The following HTR2B variants were observed in gnomAD, a reference collection of about 807,000 sequenced individuals.
The protein encoded by HTR2B is 5-hydroxytryptamine receptor 2B.
A neutral mutation model predicts 39.8 loss-of-function variants in HTR2B; 31 were observed. The ratio of observed to expected loss-of-function variants is 0.78; its 90% CI spans 0.58 to 1.05. The LOEUF (loss-of-function observed/expected upper bound fraction) is 1.05. Among genes scored for constraint, HTR2B ranks in the 50% least tolerant of loss-of-function variants. The pLI is 0.00. For missense variants in HTR2B, 562 were observed against 578.0 expected, an observed-to-expected ratio of 0.97 and a Z score of 0.28; for synonymous variants, 210 against 207.1, an observed-to-expected ratio of 1.01 and a Z score of -0.12.
At chr2:231,122,720 T>C (rs1367894237) in intron 2 of HTR2B, among the ~76,000 whole-genome samples, 4 of 152,274 alleles carry the variant, frequency 2.6e-5, no homozygotes, top group Non-Finnish European at 5.9e-5. Context: ...CCTTTTATTA[T>C]CGCAATAACT....
At chr2:231,124,860 A>G (rs1456666508) in intron 1 of HTR2B, 112 bp downstream of exon 1, 1 of 151,948 alleles carries the variant, frequency 6.6e-6, no homozygotes, top group Non-Finnish European at 1.5e-5. Flanking sequence ...TAAATTTTTC[A>G]TTTTGATTTT....
intron 2 of HTR2B, among the ~76,000 whole-genome samples, chr2:231,118,027 C>T (rs1695403064): frequency 6.6e-6 from 1 of 152,038 alleles, no homozygotes; most frequent in Non-Finnish European, 1.5e-5. Context: ...ATTCTAGAAT[C>T]AGTCCTCCTG....
chr2:231,111,558 T>C (rs1695156898), intron 3 of HTR2B, among the ~76,000 whole-genome samples: 1 of 152,208 alleles, frequency 6.6e-6, no homozygotes, highest in African/African-American at 2.4e-5. Flanking sequence ...TAACTGTAAA[T>C]CCAAAAGAAG....
intron 2 of HTR2B, among the ~76,000 whole-genome samples, chr2:231,116,913 TATAAA>T (rs1695357732): frequency 6.6e-6 from 1 of 151,972 alleles, no homozygotes; most frequent in African/African-American, 2.4e-5. Flanking sequence ...ATGAAACTAA[TATAAA>T]AGAAAAAGAT....
chr2:231,110,249 G>A (rs1695110835), intron 3 of HTR2B, among the ~76,000 whole-genome samples: 1 of 151,006 alleles, frequency 6.6e-6, no homozygotes, highest in South Asian at 2.1e-4. Flanking sequence ...GAACCCAGGA[G>A]GCCGAGGTTG....
In HTR2B at chr2:231,113,813, T is replaced by C; in HGVS notation, c.469A>G (p.Ile157Val). 1 of 1,614,156 alleles carries C rather than the reference T, an allele frequency of 6.2e-7. No homozygotes were observed. Among genetic ancestry groups the C allele is most frequent in the South Asian group, 1.1e-5 (1 of 91,088 alleles). ...TGATTGGCCTGGATTGGCTTTTTGA[T>C]GGCTATGTAACGATCCACTGAAATG... ...CAISVDRYIA[I>V]KKPIQANQYN... Residue 157 changes from isoleucine (I) to valine (V), a missense_variant, in exon 3 of 4, where the codon ATC becomes GTC. By Grantham distance (29) the Ile-to-Val change is conservative (BLOSUM62 3). Transcript: ENST00000258400.
At chr2:231,120,512 A>G (rs1257610259) in intron 2 of HTR2B, among the ~76,000 whole-genome samples, 1 of 152,202 alleles carries the variant, frequency 6.6e-6, no homozygotes, top group African/African-American at 2.4e-5. Flanking sequence ...GTGGCAGAAA[A>G]ATTGACCTAG....
At position 231,108,694 on chromosome 2, in the gene HTR2B, C is replaced by A. The variant is rs765759750; in HGVS notation, c.1269G>T (p.Glu423Asp). The A allele has an allele frequency of 3.1e-6, 5 of 1,614,120 alleles. No individual in the cohort carries two copies. Among genetic ancestry groups the A allele is most frequent in the Non-Finnish European group, 3.4e-6 (4 of 1,180,026 alleles). The change falls in exon 4 of 4, where the codon GAG (glutamate) becomes GAT (aspartate). Residue 423 changes from glutamate (E) to aspartate (D), a missense_variant. Transcript: ENST00000258400. The part of the protein sequence containing the change: ...SKIYFRNPMA[E>D]NSKFFKKHGI... The stretch of plus-strand genomic sequence containing the variant: ...CATGTTTCTTGAAAAACTTAGAGTT[C>A]TCTGCCATTGGATTCCGGAAGTAGA...
At chr2:231,115,213 A>AGG (rs1329957458) in intron 2 of HTR2B, among the ~76,000 whole-genome samples, 1 of 151,722 alleles carries the variant, frequency 6.6e-6, no homozygotes, top group Non-Finnish European at 1.5e-5. Context: ...AGCATAATTT[A>AGG]GGGGCAGAGT....
At chr2:231,122,736 T>C (rs1286817040) in intron 2 of HTR2B, among the ~76,000 whole-genome samples, 2 of 152,284 alleles carry the variant, frequency 1.3e-5, no homozygotes, top group Admixed American at 1.3e-4. Context: ...TAACTAGGTT[T>C]TAATCCACTT....
At chr2:231,124,716 G>A (rs1331195082) in intron 1 of HTR2B, among the ~76,000 whole-genome samples, 1 of 151,658 alleles carries the variant, frequency 6.6e-6, no homozygotes, top group Admixed American at 6.6e-5. Flanking sequence ...TTCTTTTTTT[G>A]TTTTAAGTAG....
At position 231,109,239 on chromosome 2, in the gene HTR2B, G is replaced by A. The variant is rs769352469; in HGVS notation, c.724C>T (p.His242Tyr). 1.2e-6 allele frequency: 2 copies of A among 1,614,174 alleles called. No homozygotes were observed. The highest frequency in any genetic ancestry group is 2.2e-5 in the South Asian group (2 of 91,084). The change falls in exon 4 of 4, where the codon CAT (histidine) becomes TAT (tyrosine). Residue 242 changes from histidine (H) to tyrosine (Y), a missense_variant. Transcript: ENST00000258400. Reference protein sequence around the residue: ...IMIVTYFLTIHALQKKAYLVK... With the variant: ...IMIVTYFLTIYALQKKAYLVK... The stretch of plus-strand genomic sequence containing the variant: ...AAGTAAGCCTTCTTCTGTAAAGCAT[G>A]GATAGTGAGAAAGTAGGTGACAATC...
chr2:231,123,621 C>G lies in HTR2B; in HGVS notation c.144G>C (p.Glu48Asp), dbSNP rs757489636. 1 of 1,614,078 alleles carries G rather than the reference C, an allele frequency of 6.2e-7. No homozygotes were observed. The highest frequency in any genetic ancestry group is 1.1e-5 in the South Asian group (1 of 91,088). ...CCCAGTGCAGTTTATTTCCCTGTTC[C>G]TCAACAATCTGTTTCATTTCCTCTG... ...SIPEEMKQIV[E>D]EQGNKLHWAA... is the part of the protein sequence containing the mutation. The change falls in exon 2 of 4, where the codon GAG (glutamate) becomes GAC (aspartate). Residue 48 changes from glutamate to aspartate, a missense_variant. Coordinates refer to ENST00000258400, the MANE Select transcript of HTR2B (RefSeq NM_000867.5).
intron 2 of HTR2B, among the ~76,000 whole-genome samples, chr2:231,119,123 C>G (rs1695444957): frequency 6.6e-6 from 1 of 152,082 alleles, no homozygotes; most frequent in Non-Finnish European, 1.5e-5. Context: ...CATTTTAATG[C>G]TTACAGAATT....
chr2:231,115,322 T>G lies in HTR2B; in HGVS notation c.353-1393A>C, dbSNP rs548457984. On this transcript the variant is annotated intron_variant, in intron 2 of 3. Coordinates refer to ENST00000258400, the MANE Select transcript of HTR2B (RefSeq NM_000867.5). ...AAAAATATCTGGGCACTTGACAAAG[T>G]ATCCAGAAGGTAGCAAGGCTGACAC... Among the ~76,000 whole-genome samples, 19 of 152,306 alleles carry G rather than the reference T, an allele frequency of 1.2e-4. 1 individual carries two copies. The South Asian group carries it at 3.9e-3, about 32-fold the overall frequency.
chr2:231,116,445 T>C (rs1447697778), intron 2 of HTR2B, among the ~76,000 whole-genome samples: 3 of 152,120 alleles, frequency 2.0e-5, no homozygotes, highest in African/African-American at 7.2e-5. Context: ...TCTTTTAAAA[T>C]AGTTTGCCAA....
intron 3 of HTR2B, among the ~76,000 whole-genome samples, chr2:231,112,165 C>G (rs1051926365): frequency 7.9e-5 from 12 of 152,196 alleles, no homozygotes; most frequent in Admixed American, 4.6e-4. Context: ...ACACATACCT[C>G]ACACTCTCCC....
At chr2:231,118,319 T>G (rs1246704469) in intron 2 of HTR2B, among the ~76,000 whole-genome samples, 1 of 152,136 alleles carries the variant, frequency 6.6e-6, no homozygotes, top group East Asian at 1.9e-4. Context: ...AGCCAAATCA[T>G]CAGTATGAAA....
chr2:231,113,693 T>C (rs1185518758), intron 3 of HTR2B, 36 bp downstream of exon 3: 1 of 1,585,624 alleles, frequency 6.3e-7, no homozygotes, highest in Non-Finnish European at 8.7e-7. Flanking sequence ...ACCAAAGATT[T>C]TGTATACCAC....
Sources: allele counts gnomAD v4.1 joint callset (sites outside exome capture counted in the v4.1 genomes callset), GRCh38; gene constraint gnomAD v4.1.1; transcripts MANE v1.5; gene names NCBI Gene and HGNC (gene_info 2026-07-23, HGNC 2026-07-21).